MYH9: variants seen among roughly 807,000 people sequenced by gnomAD.
MYH9 encodes the protein myosin heavy chain 9.
A neutral mutation model predicts 241.9 loss-of-function variants in MYH9; 29 were observed. That is an observed-to-expected ratio of 0.12 (90% CI 0.09 to 0.16). MYH9 has a LOEUF of 0.16. Ranked by LOEUF, MYH9 falls within the 10% of genes least tolerant of loss-of-function variation. The probability of loss-of-function intolerance (pLI) is 1.00; values close to 1 mark genes in which losing one functional copy is unlikely to be tolerated. For synonymous variants in MYH9, 1,047 were observed against 1,062.6 expected, an observed-to-expected ratio of 0.99 and a Z score of 0.29; for missense variants, 1,803 against 2,595.5, an observed-to-expected ratio of 0.69 and a Z score of 6.63.
chr22:36,369,990 T>TA (rs1326663516), intron 1 of MYH9, among the ~76,000 whole-genome samples: 1 of 152,212 alleles, frequency 6.6e-6, no homozygotes, highest in Non-Finnish European at 1.5e-5. Flanking sequence ...TAACGTGATA[T>TA]AAAAAATAGA....
intron 11 of MYH9, among the ~76,000 whole-genome samples, chr22:36,317,814 T>G (rs983991347): frequency 6.6e-6 from 1 of 152,218 alleles, no homozygotes; most frequent in Non-Finnish European, 1.5e-5. Flanking sequence ...AAACAGCCGC[T>G]TGGCACAGGC....
Position 36,314,283 on chromosome 22 carries a change from G to T in MYH9, c.1416C>A (p.Thr472=). ...NSFEQLCINY[T]NEKLQQLFNH... is the part of the protein sequence containing the mutation. ...TGAAGAGCTGCTGCAGCTTCTCATT[G>T]GTGTAATTGATGCACAGCTGCTCAA... Residue 472 remains threonine, a synonymous_variant, in exon 13 of 41, where the codon ACC becomes ACA. Coordinates refer to ENST00000216181, the MANE Select transcript of MYH9 (RefSeq NM_002473.6). The T allele has an allele frequency of 6.2e-7, 1 of 1,614,238 alleles. No individual in the cohort carries two copies. The highest frequency in any genetic ancestry group is 8.5e-7 in the Non-Finnish European group (1 of 1,180,050).
intron 27 of MYH9, among the ~76,000 whole-genome samples, chr22:36,294,729 T>C (rs920176066): frequency 9.2e-5 from 14 of 152,178 alleles, no homozygotes; most frequent in African/African-American, 3.4e-4. Flanking sequence ...CCTCAAATAA[T>C]CACGAGACAG....
Position 36,301,582 on chromosome 22 carries a change from C to T in MYH9, c.2583G>A (p.Gln861=), listed in dbSNP as rs371397198. ...EEELVKVREK[Q]LAAENRLTEM... ...CCGTGAGCCTGTTCTCCGCAGCCAG[C>T]TGCTTCTCTCTGACCTTCACCAGCT... Residue 861 remains glutamine (Q), a synonymous_variant, in exon 21 of 41, where the codon CAG becomes CAA. Coordinates refer to ENST00000216181, the MANE Select transcript of MYH9 (RefSeq NM_002473.6). The T allele has an allele frequency of 2.5e-6, 4 of 1,613,936 alleles. No individual in the cohort carries two copies. In the African/African-American group the frequency reaches 5.3e-5, roughly 22 times the overall value.
chr22:36,344,002 G>T (rs1011309665), intron 2 of MYH9, among the ~76,000 whole-genome samples: 2 of 152,264 alleles, frequency 1.3e-5, no homozygotes, highest in African/African-American at 2.4e-5. Flanking sequence ...GCTGACAGCA[G>T]AAGGGGACCA....
intron 13 of MYH9, among the ~76,000 whole-genome samples, chr22:36,313,025 G>C (rs1373859220): frequency 6.6e-6 from 1 of 151,734 alleles, no homozygotes; most frequent in Non-Finnish European, 1.5e-5. Context: ...GGGAGGCAAA[G>C]GTTGCAGTGA....
intron 1 of MYH9, among the ~76,000 whole-genome samples, chr22:36,353,594 T>A (rs1185159602): frequency 6.6e-6 from 1 of 152,212 alleles, no homozygotes; most frequent in Non-Finnish European, 1.5e-5. Context: ...CCTCAGGTGA[T>A]CTGCCCGCCT....
intron 12 of MYH9, 137 bp from the exon 13 acceptor site, chr22:36,314,455 CG>C: frequency 9.2e-7 from 1 of 1,085,052 alleles, no homozygotes. Context: ...CTTTAGAGCC[CG>C]GATGCTCCTG....
chr22:36,293,489 C>T lies in MYH9; in HGVS notation c.3943-8G>A, dbSNP rs760886457. The T allele has an allele frequency of 1.1e-5, 18 of 1,612,658 alleles. No homozygotes were observed. Among genetic ancestry groups the T allele is most frequent in the East Asian group, 6.7e-5 (3 of 44,878 alleles). On this transcript the variant is annotated splice_region_variant and splice_polypyrimidine_tract_variant and intron_variant, in intron 29 of 40. Transcript: ENST00000216181. This position sits in a 1 kb window ranked among gnomAD's most constrained non-coding sequence, Gnocchi z 5.1. ...CTCCTCCTGCAGCAGCTCCTACTCG[C>T]GGGTTGAGAGGGGTGCGGGTGCTTA... is the stretch of plus-strand genomic sequence containing the variant.
intron 10 of MYH9, among the ~76,000 whole-genome samples, chr22:36,318,907 G>A (rs890266520): frequency 4.6e-5 from 7 of 152,112 alleles, no homozygotes; most frequent in African/African-American, 1.7e-4. Flanking sequence ...GGGATTACAG[G>A]CGCACGCCAC....
At chr22:36,284,915 G>A (rs1023127995) in intron 38 of MYH9, among the ~76,000 whole-genome samples, 1 of 152,128 alleles carries the variant, frequency 6.6e-6, no homozygotes, top group Non-Finnish European at 1.5e-5. Context: ...TGGCTTTAGA[G>A]GTGGAACAGA....
intron 2 of MYH9, among the ~76,000 whole-genome samples, chr22:36,347,335 C>T (rs541741230): frequency 6.4e-4 from 97 of 151,950 alleles, no homozygotes; most frequent in African/African-American, 2.3e-3. Context: ...GGGACCAGCA[C>T]TAAAGTGCTG....
In MYH9 at chr22:36,300,998, G is replaced by A. The variant is rs148883810; in HGVS notation, c.2691C>T (p.Ala897=). The part of the protein sequence containing the change: ...EQLQAETELC[A]EAEELRARLT... ...GGCGGGCCCGGAGCTCCTCAGCCTC[G>A]GCACACAGCTCGGTTTCTGCCTGGA... The change falls in exon 22 of 41, where the codon GCC becomes GCT. Residue 897 remains alanine, a synonymous_variant. Transcript: ENST00000216181. The surrounding 1 kb of genome is among the most constrained non-coding windows in gnomAD (Gnocchi z 5.0). 2.4e-5 allele frequency: 39 copies of A among 1,611,704 alleles called. No individual in the cohort carries two copies. Among genetic ancestry groups the A allele is most frequent in the African/African-American group, 1.1e-4 (8 of 74,894 alleles).
intron 1 of MYH9, among the ~76,000 whole-genome samples, chr22:36,368,029 A>G (rs1300966597): frequency 1.3e-5 from 2 of 152,226 alleles, no homozygotes; most frequent in African/African-American, 2.4e-5. Context: ...ATGCCTGCAT[A>G]CAGACACCCC....
chr22:36,286,118 A>G, intron 35 of MYH9, 165 bp from the exon 36 acceptor site: 1 of 706,254 alleles, frequency 1.4e-6, no homozygotes, highest in Non-Finnish European at 2.5e-6. Flanking sequence ...CCCCCTGAAG[A>G]TATAGCTTAA....
intron 1 of MYH9, among the ~76,000 whole-genome samples, chr22:36,357,243 T>C (rs1478644624): frequency 6.6e-6 from 1 of 152,048 alleles, no homozygotes; most frequent in African/African-American, 2.4e-5. Flanking sequence ...GATATGACAT[T>C]TAAACTGGGT....
Position 36,288,992 on chromosome 22 carries a change from T to C in MYH9, c.4558-53A>G. 1 of 1,612,230 alleles carries C rather than the reference T, an allele frequency of 6.2e-7. No homozygotes were observed. The highest frequency in any genetic ancestry group is 1.7e-5 in the Admixed American group (1 of 59,998). On this transcript the variant is annotated intron_variant, in intron 32 of 40. Transcript: ENST00000216181. This position sits in a 1 kb window ranked among gnomAD's most constrained non-coding sequence, Gnocchi z 4.8. Reference sequence around the variant, plus strand: ...GCAAAGGGACTGGCAGGTACCTGGGTCTGCGCGACCCGGAGTCTGTGCACA... The same window carrying C: ...GCAAAGGGACTGGCAGGTACCTGGGCCTGCGCGACCCGGAGTCTGTGCACA...
chr22:36,332,682 A>AC (rs1282726910), intron 3 of MYH9, among the ~76,000 whole-genome samples: 1 of 151,340 alleles, frequency 6.6e-6, no homozygotes, highest in Non-Finnish European at 1.5e-5. Flanking sequence ...AAAAAAAAAA[A>AC]AAAAAAAACC....
chr22:36,295,406 G>A lies in MYH9; in HGVS notation c.3485+99C>T, dbSNP rs1297257926. Reference sequence around the variant, plus strand: ...CTGGTGCCTAAGAGGGCCACGGTGTGTGTGTGTGTGTGTGTGCAGAGGCCC... The same window carrying A: ...CTGGTGCCTAAGAGGGCCACGGTGTATGTGTGTGTGTGTGTGCAGAGGCCC... On this transcript the variant is annotated intron_variant, in intron 26 of 40. Transcript: ENST00000216181. The surrounding 1 kb of genome is among the most constrained non-coding windows in gnomAD (Gnocchi z 4.1). The A allele has an allele frequency of 1.0e-6, 1 of 960,468 alleles. No homozygotes were observed. Among genetic ancestry groups the A allele is most frequent in the African/African-American group, 1.6e-5 (1 of 62,072 alleles). 59.5% of individuals were successfully genotyped at this position (960,468 alleles called of 1,614,324 possible).
Sources: gnomAD v4.1 joint callset for allele counts (sites outside exome capture counted in the v4.1 genomes callset) on GRCh38, gnomAD v4.1.1 for gene constraint, Gnocchi (gnomAD v3.1) non-coding constraint, MANE v1.5 for transcripts, NCBI Gene and HGNC (gene_info 2026-07-23, HGNC 2026-07-21) for gene names.